BMAL1: variants seen among roughly 807,000 people sequenced by gnomAD.
The protein encoded by BMAL1 is basic helix-loop-helix ARNT like 1.
the BMAL1 span, among the ~76,000 whole-genome samples, chr11:13,355,797 C>T: frequency 3.1e-4 from 47 of 152,186 alleles, 1 homozygote; most frequent in African/African-American, 8.4e-4. Context: ...AACCCCAGGG[C>T]GTCTAATTGG....
chr11:13,339,425 GC>G, the BMAL1 span, among the ~76,000 whole-genome samples: 1 of 72,416 alleles, frequency 1.4e-5, no homozygotes, highest in Non-Finnish European at 2.9e-5. Flanking sequence ...TTCCTGCCCT[GC>G]TTTTACACAC....
the BMAL1 span, among the ~76,000 whole-genome samples, chr11:13,303,628 C>G: frequency 6.6e-6 from 1 of 152,202 alleles, no homozygotes; most frequent in Non-Finnish European, 1.5e-5. Context: ...CATCCAGGGA[C>G]CTAGACTCCT....
chr11:13,339,976 A>T, the BMAL1 span, among the ~76,000 whole-genome samples: 2,037 of 152,262 alleles, frequency 0.013, 40 homozygotes, highest in African/African-American at 0.047. Context: ...TTGTTGAGAG[A>T]CTAATAAGTG....
chr11:13,338,860 C>G, the BMAL1 span, among the ~76,000 whole-genome samples: 1 of 152,260 alleles, frequency 6.6e-6, no homozygotes, highest in Non-Finnish European at 1.5e-5. Flanking sequence ...GTGTTTGATG[C>G]TCAGTAAACG....
chr11:13,304,424 C>T, the BMAL1 span, among the ~76,000 whole-genome samples: 1 of 152,198 alleles, frequency 6.6e-6, no homozygotes, highest in African/African-American at 2.4e-5. Flanking sequence ...GAGTATTAGT[C>T]TCACTTCCTA....
the BMAL1 span, among the ~76,000 whole-genome samples, chr11:13,301,809 A>G: frequency 6.6e-6 from 1 of 152,238 alleles, no homozygotes. Flanking sequence ...TAATCCATGC[A>G]ATGAACCAAA....
At chr11:13,343,240 A>G in the BMAL1 span, among the ~76,000 whole-genome samples, 2 of 152,204 alleles carry the variant, frequency 1.3e-5, no homozygotes, top group South Asian at 2.1e-4. Flanking sequence ...ATCAGAGAAC[A>G]TGCTCTGAAT....
At chr11:13,330,125 G>A in the BMAL1 span, among the ~76,000 whole-genome samples, 1 of 152,178 alleles carries the variant, frequency 6.6e-6, no homozygotes, top group Non-Finnish European at 1.5e-5. Flanking sequence ...TCAGGAACAC[G>A]GAGTAATTAT....
At chr11:13,296,067 T>C in the BMAL1 span, among the ~76,000 whole-genome samples, 1 of 152,156 alleles carries the variant, frequency 6.6e-6, no homozygotes, top group Non-Finnish European at 1.5e-5. Flanking sequence ...AGGAGCTTGG[T>C]GTCAGGCAAA....
At chr11:13,377,555 T>C in the BMAL1 span, among the ~76,000 whole-genome samples, 1 of 152,182 alleles carries the variant, frequency 6.6e-6, no homozygotes, top group African/African-American at 2.4e-5. Flanking sequence ...CATCCTCCAT[T>C]GTAGTTCATT....
chr11:13,320,958 A>G, the BMAL1 span, among the ~76,000 whole-genome samples: 1 of 152,232 alleles, frequency 6.6e-6, no homozygotes, highest in South Asian at 2.1e-4. Flanking sequence ...GACCATAAAT[A>G]ATAAATATAC....
the BMAL1 span, chr11:13,378,335 A>T: frequency 6.2e-7 from 1 of 1,605,602 alleles, no homozygotes; most frequent in African/African-American, 1.3e-5. Context: ...CCTTTGTTGT[A>T]GGTGGCCCAA....
At chr11:13,279,959 T>C in the BMAL1 span, among the ~76,000 whole-genome samples, 3 of 152,364 alleles carry the variant, frequency 2.0e-5, no homozygotes, top group Non-Finnish European at 2.9e-5. Context: ...TAGTTTAGGC[T>C]TGGGCTCTCA....
chr11:13,368,433 C>T, the BMAL1 span, among the ~76,000 whole-genome samples: 6 of 152,168 alleles, frequency 3.9e-5, no homozygotes, highest in East Asian at 7.7e-4. Flanking sequence ...AAAACGTGCA[C>T]GGAGGGGAAG....
the BMAL1 span, chr11:13,374,067 C>A: frequency 2.5e-6 from 4 of 1,598,544 alleles, no homozygotes; most frequent in East Asian, 2.2e-5. Context: ...GCTTTTTCTT[C>A]TTTAAATATT....
chr11:13,284,261 T>C, the BMAL1 span, among the ~76,000 whole-genome samples: 5,099 of 23,698 alleles, frequency 0.22, 654 homozygotes, highest in Admixed American at 0.35. Flanking sequence ...TATATATATA[T>C]ATATATTTTT....
the BMAL1 span, among the ~76,000 whole-genome samples, chr11:13,344,505 G>A: frequency 1.3e-5 from 2 of 152,218 alleles, no homozygotes; most frequent in African/African-American, 2.4e-5. Context: ...CATCTTGAAC[G>A]TAAGGACTGC....
chr11:13,376,580 A>G, the BMAL1 span: 33 of 1,551,246 alleles, frequency 2.1e-5, no homozygotes, highest in Non-Finnish European at 2.5e-5. Flanking sequence ...GGCCAAGTTG[A>G]ATGGTGCACA....
At chr11:13,332,360 T>C in the BMAL1 span, among the ~76,000 whole-genome samples, 1 of 152,218 alleles carries the variant, frequency 6.6e-6, no homozygotes, top group African/African-American at 2.4e-5. Context: ...CTACACATAT[T>C]TGTTTTTCCT....
Sources: allele counts gnomAD v4.1 joint callset (sites outside exome capture counted in the v4.1 genomes callset), GRCh38; gene constraint gnomAD v4.1.1; transcripts MANE v1.5; gene names NCBI Gene and HGNC (gene_info 2026-07-23, HGNC 2026-07-21).